The following DPH6 variants were observed in gnomAD, a reference collection of about 807,000 sequenced individuals.
DPH6 encodes the protein diphthine--ammonia ligase.
Under a neutral mutation model 38.2 loss-of-function variants are expected in DPH6, and 33 were observed. The observed-to-expected ratio is 0.86, with a 90% confidence interval of 0.65 to 1.15. The LOEUF (loss-of-function observed/expected upper bound fraction) is 1.15, where lower values mean the gene tolerates loss of function less well. Among genes scored for constraint, DPH6 ranks in the 50% most tolerant of loss-of-function variants. The probability of loss-of-function intolerance (pLI) is 0.00; values close to 1 mark genes in which losing one functional copy is unlikely to be tolerated. For synonymous variants in DPH6, 108 were observed against 103.0 expected (o/e 1.05, Z -0.30); for missense variants, 325 against 320.0 (o/e 1.02, Z -0.12).
At chr15:35,395,258 G>A (rs905197245) in intron 6 of DPH6, among the ~76,000 whole-genome samples, 1 of 151,940 alleles carries the variant, frequency 6.6e-6, no homozygotes, top group African/African-American at 2.4e-5. Flanking sequence ...CATCCCTACT[G>A]TCAATGGTTA....
At chr15:35,245,489 C>T (rs573504566) in intron 3 of DPH6, among the ~76,000 whole-genome samples, 6 of 152,222 alleles carry the variant, frequency 3.9e-5, no homozygotes, top group East Asian at 1.9e-4. Context: ...CCACCTGCCT[C>T]GGCCTCCCAA....
intron 6 of DPH6, among the ~76,000 whole-genome samples, chr15:35,392,260 T>C (rs1271220593): frequency 2.0e-5 from 3 of 152,318 alleles, no homozygotes; most frequent in East Asian, 1.9e-4. Flanking sequence ...GGTAGCTCCA[T>C]TGGAATACTG....
chr15:35,470,260 T>C (rs1195343202), intron 3 of DPH6, among the ~76,000 whole-genome samples: 3 of 151,718 alleles, frequency 2.0e-5, no homozygotes, highest in Non-Finnish European at 2.9e-5. Context: ...AACAGAGGGA[T>C]AGACAGAAAA....
At chr15:35,436,514 C>CAACAACAACA (rs2053715483) in intron 5 of DPH6, among the ~76,000 whole-genome samples, 7 of 123,200 alleles carry the variant, frequency 5.7e-5, no homozygotes, top group African/African-American at 2.3e-4. Context: ...CAAAACAAAA[C>CAACAACAACA]AAAAAAGGTT....
At chr15:35,485,024 CTACT>C (rs1376726560) in intron 3 of DPH6, among the ~76,000 whole-genome samples, 31 of 152,108 alleles carry the variant, frequency 2.0e-4, no homozygotes, top group Non-Finnish European at 7.4e-5. Flanking sequence ...CATTTATTGA[CTACT>C]TACCACATCC....
intron 3 of DPH6, among the ~76,000 whole-genome samples, chr15:35,524,544 G>C (rs2054970461): frequency 6.6e-6 from 1 of 152,126 alleles, no homozygotes; most frequent in African/African-American, 2.4e-5. Flanking sequence ...TAACACAAAT[G>C]CAATTCTGGG....
downstream of DPH6, among the ~76,000 whole-genome samples, chr15:35,368,268 C>T (rs542632875): frequency 1.2e-4 from 18 of 151,674 alleles, no homozygotes; most frequent in Admixed American, 1.3e-4. Flanking sequence ...AATAAGGCAA[C>T]GAAGGAGAGA....
At chr15:35,396,225 T>C (rs2053130016) in intron 6 of DPH6, 1 of 148,036 alleles carries the variant, frequency 6.8e-6, no homozygotes, top group Non-Finnish European at 1.5e-5. Context: ...TTTGTCAGCT[T>C]TATCAATTTA....
At chr15:35,256,417 T>G (rs141446494) in intron 3 of DPH6, among the ~76,000 whole-genome samples, 330 of 152,360 alleles carry the variant, frequency 2.2e-3, no homozygotes, top group Admixed American at 3.6e-3. Context: ...TTTCTCATGG[T>G]TAAACCACAG....
At chr15:35,158,316 G>T in the DPH6 span, among the ~76,000 whole-genome samples, 18,455 of 152,080 alleles carry the variant, frequency 0.12, 1,390 homozygotes, top group African/African-American at 0.21. Flanking sequence ...TGGGGGAGAA[G>T]GTATCAGTAT....
intron 3 of DPH6, among the ~76,000 whole-genome samples, chr15:35,469,879 G>C (rs2054175952): frequency 6.6e-6 from 1 of 152,130 alleles, no homozygotes; most frequent in African/African-American, 2.4e-5. Context: ...TTTACAAAGT[G>C]GGCAGGGAAA....
At chr15:35,202,233 G>A in the DPH6 span, among the ~76,000 whole-genome samples, 3 of 151,770 alleles carry the variant, frequency 2.0e-5, no homozygotes, top group South Asian at 2.1e-4. Context: ...TCCTAGGCAC[G>A]TTTGAAAGGC....
chr15:35,192,042 C>T, the DPH6 span, among the ~76,000 whole-genome samples: 1 of 152,174 alleles, frequency 6.6e-6, no homozygotes, highest in African/African-American at 2.4e-5. Flanking sequence ...AGGACCTAGA[C>T]CAAACCCTTG....
chr15:35,155,852 A>G, the DPH6 span, among the ~76,000 whole-genome samples: 18 of 152,350 alleles, frequency 1.2e-4, no homozygotes, highest in Non-Finnish European at 2.2e-4. Context: ...TATTTCTTAT[A>G]AAGTAGACCA....
At chr15:35,162,448 T>C in the DPH6 span, among the ~76,000 whole-genome samples, 1 of 151,902 alleles carries the variant, frequency 6.6e-6, no homozygotes. Context: ...AGCATGTTAA[T>C]TGTGTTCTTG....
Position 35,454,840 on chromosome 15 carries a change from C to A in DPH6, c.313-20G>T. ...TTTTTCCTGAAAATAAAGAAAAAAACCATAACTTTAAAAATAAAGTAACAA... is the reference window on the plus strand; with the variant it reads ...TTTTTCCTGAAAATAAAGAAAAAAAACATAACTTTAAAAATAAAGTAACAA... On this transcript the variant is annotated intron_variant, in intron 3 of 8. Coordinates refer to ENST00000256538, the MANE Select transcript of DPH6 (RefSeq NM_080650.4). The A allele has an allele frequency of 6.4e-7, 1 of 1,565,048 alleles. No homozygotes were observed. Among genetic ancestry groups the A allele is most frequent in the Non-Finnish European group, 8.7e-7 (1 of 1,150,132 alleles).
chr15:35,541,031 G>A (rs2055245834), intron 2 of DPH6, among the ~76,000 whole-genome samples: 1 of 152,056 alleles, frequency 6.6e-6, no homozygotes, highest in Non-Finnish European at 1.5e-5. Flanking sequence ...TTAGAGTGCA[G>A]TTCCTATTCA....
At chr15:35,325,518 A>G (rs897239791) in intron 3 of DPH6, among the ~76,000 whole-genome samples, 2 of 152,198 alleles carry the variant, frequency 1.3e-5, no homozygotes, top group Non-Finnish European at 2.9e-5. Context: ...CATTGTATGT[A>G]CATGCGGAAA....
At chr15:35,362,758 A>AGGG (rs888240009) in intron 3 of DPH6, among the ~76,000 whole-genome samples, 11 of 151,844 alleles carry the variant, frequency 7.2e-5, no homozygotes, top group Non-Finnish European at 1.3e-4. Context: ...GTTTTTGGGG[A>AGGG]GGGGGCATCA....
Sources: gnomAD v4.1 joint callset for allele counts (sites outside exome capture counted in the v4.1 genomes callset) on GRCh38, gnomAD v4.1.1 for gene constraint, MANE v1.5 for transcripts, NCBI Gene and HGNC (gene_info 2026-07-23, HGNC 2026-07-21) for gene names.